PRKG1: variants seen among roughly 807,000 people sequenced by gnomAD.
The protein encoded by PRKG1 is protein kinase cGMP-dependent 1, also known as cGMP-dependent protein kinase 1.
A neutral mutation model predicts 88.1 loss-of-function variants in PRKG1; 35 were observed. The observed-to-expected ratio is 0.40, with a 90% CI of 0.30 to 0.53. The LOEUF is 0.53. Among genes scored for constraint, PRKG1 ranks in the 20% least tolerant of loss-of-function variants. PRKG1 has a pLI of 0.59. For synonymous variants in PRKG1, 303 were observed against 292.5 expected (o/e 1.04, Z -0.37); for missense variants, 540 against 839.8 (o/e 0.64, Z 4.41).
rs533326999 is a variant in PRKG1 at position 51,476,224 on chromosome 10, G to C, written c.592+8388G>C. Among the ~76,000 whole-genome samples the C allele has an allele frequency of 2.0e-5, 3 of 152,088 alleles. No homozygotes were observed. In the South Asian group the frequency reaches 6.2e-4, roughly 32 times the overall value. On this transcript the variant is annotated intron_variant, in intron 3 of 17. Coordinates refer to ENST00000373980, the MANE Select transcript of PRKG1 (RefSeq NM_006258.4). ...GGAATTGAGACCTGTAGAGATCGGA[G>C]GCCTACAGTATTGAAGGATACAGGC...
chr10:51,683,601 G>A (rs998751269), intron 3 of PRKG1, among the ~76,000 whole-genome samples: 2 of 152,156 alleles, frequency 1.3e-5, no homozygotes, highest in Admixed American at 6.5e-5. Context: ...GATGTGATCT[G>A]ATTGGATCTT....
chr10:51,580,710 A>G (rs528912991), intron 3 of PRKG1, among the ~76,000 whole-genome samples: 145 of 133,358 alleles, frequency 1.1e-3, no homozygotes, highest in African/African-American at 3.1e-3. Context: ...TAGAAAAATT[A>G]TATTCTTTTT....
At chr10:51,212,528 C>A (rs1014210285) in intron 2 of PRKG1, among the ~76,000 whole-genome samples, 2 of 152,134 alleles carry the variant, frequency 1.3e-5, no homozygotes, top group African/African-American at 4.8e-5. Flanking sequence ...AGTGAACAGG[C>A]AACCTAGAGA....
At chr10:52,140,340 C>A (rs1837541657) in intron 8 of PRKG1, among the ~76,000 whole-genome samples, 1 of 150,146 alleles carries the variant, frequency 6.7e-6, no homozygotes, top group Non-Finnish European at 1.5e-5. Context: ...TCTTCCAGTG[C>A]TGCTCCTCCT....
intron 3 of PRKG1, among the ~76,000 whole-genome samples, chr10:51,795,566 A>G (rs1429196777): frequency 1.3e-5 from 2 of 152,092 alleles, no homozygotes; most frequent in African/African-American, 4.8e-5. Flanking sequence ...AGGCTAACAT[A>G]TGCCTTAATA....
At chr10:51,466,126 T>C (rs1839898967) in intron 2 of PRKG1, among the ~76,000 whole-genome samples, 1 of 152,132 alleles carries the variant, frequency 6.6e-6, no homozygotes, top group Non-Finnish European at 1.5e-5. Flanking sequence ...TATTCTGTCC[T>C]GTCTCTCATT....
At chr10:51,130,667 CA>C (rs1383425569) in intron 1 of PRKG1, among the ~76,000 whole-genome samples, 1 of 152,040 alleles carries the variant, frequency 6.6e-6, no homozygotes, top group African/African-American at 2.4e-5. Flanking sequence ...CTTTGGGAGG[CA>C]AAGGCAGGTG....
intron 1 of PRKG1, among the ~76,000 whole-genome samples, chr10:51,127,051 G>T (rs1322703384): frequency 6.6e-6 from 1 of 152,168 alleles, no homozygotes; most frequent in Admixed American, 6.5e-5. Flanking sequence ...TGTAGGCATG[G>T]ACAAAGATTT....
At chr10:51,200,985 G>C (rs1258210101) in intron 2 of PRKG1, among the ~76,000 whole-genome samples, 1 of 152,094 alleles carries the variant, frequency 6.6e-6, no homozygotes, top group Non-Finnish European at 1.5e-5. Context: ...GTAGTTTGAT[G>C]GGGCCACTAA....
In PRKG1 at chr10:51,897,005, G is replaced by T. The variant is rs191422529; in HGVS notation, c.699-10502G>T. ...ACATTGCTAAAAGAAAATAAATCTG[G>T]CAGTGATGTGTAAAGTAGATTGAAG... On this transcript the variant is annotated intron_variant, in intron 4 of 17. Transcript: ENST00000373980. Among the ~76,000 whole-genome samples the T allele has an allele frequency of 1.5e-4, 23 of 152,270 alleles. No individual in the cohort carries two copies. The East Asian group carries it at 4.3e-3, about 28-fold the overall frequency.
chr10:51,248,614 ACT>A (rs1839352566), intron 2 of PRKG1, among the ~76,000 whole-genome samples: 3 of 151,886 alleles, frequency 2.0e-5, no homozygotes, highest in East Asian at 3.9e-4. Flanking sequence ...TGATGAGAAA[ACT>A]CTGATCACAG....
At chr10:51,046,935 C>T (rs1403808367) in intron 1 of PRKG1, among the ~76,000 whole-genome samples, 1 of 152,150 alleles carries the variant, frequency 6.6e-6, no homozygotes, top group Non-Finnish European at 1.5e-5. Context: ...AGCAGATGCT[C>T]ATGGGATGAG....
At chr10:52,066,021 A>G (rs927153954) in intron 7 of PRKG1, among the ~76,000 whole-genome samples, 1 of 151,902 alleles carries the variant, frequency 6.6e-6, no homozygotes, top group Admixed American at 6.6e-5. Context: ...CCTTACCCCC[A>G]TTTCCTCACA....
chr10:51,275,668 T>C (rs968637257), intron 2 of PRKG1, among the ~76,000 whole-genome samples: 10 of 152,296 alleles, frequency 6.6e-5, no homozygotes, highest in Admixed American at 1.3e-4. Context: ...TGGCAGGAGC[T>C]GATGAGACAA....
At chr10:52,258,592 A>G (rs1212615193) in intron 10 of PRKG1, among the ~76,000 whole-genome samples, 1 of 151,960 alleles carries the variant, frequency 6.6e-6, no homozygotes, top group Non-Finnish European at 1.5e-5. Context: ...AGAATTACTG[A>G]TTTTTTAACT....
chr10:51,521,545 A>C (rs543930028), intron 3 of PRKG1, among the ~76,000 whole-genome samples: 8 of 152,314 alleles, frequency 5.3e-5, no homozygotes, highest in Middle Eastern at 3.4e-3. Flanking sequence ...TCTACTCTCT[A>C]CTGGCCCAAA....
intron 2 of PRKG1, among the ~76,000 whole-genome samples, chr10:51,289,748 T>G (rs1354052626): frequency 6.6e-6 from 1 of 151,736 alleles, no homozygotes; most frequent in Non-Finnish European, 1.5e-5. Flanking sequence ...AGGTGGGTTT[T>G]TGTGTGTGTA....
intron 3 of PRKG1, among the ~76,000 whole-genome samples, chr10:51,691,359 G>A (rs556544306): frequency 2.1e-4 from 32 of 149,492 alleles, no homozygotes; most frequent in Non-Finnish European, 3.4e-4. Context: ...CCAGGCTGGA[G>A]TGCAGTGGCG....
chr10:51,853,544 A>T (rs1840609398), intron 4 of PRKG1, among the ~76,000 whole-genome samples: 1 of 152,198 alleles, frequency 6.6e-6, no homozygotes, highest in Admixed American at 6.5e-5. Context: ...GTGTACTTTA[A>T]CATCCTTGAA....
Sources: gnomAD v4.1 joint callset for allele counts (sites outside exome capture counted in the v4.1 genomes callset) on GRCh38, gnomAD v4.1.1 for gene constraint, MANE v1.5 for transcripts, NCBI Gene and HGNC (gene_info 2026-07-23, HGNC 2026-07-21) for gene names.